The following CSNK2A2IP variants were observed in gnomAD, a reference collection of about 807,000 sequenced individuals.
CSNK2A2IP encodes casein kinase II subunit alpha'-interacting protein.
the CSNK2A2IP span, among the ~76,000 whole-genome samples, chr3:88,432,034 T>C: frequency 3.9e-5 from 6 of 152,108 alleles, no homozygotes. Context: ...AAAACATTTC[T>C]GTTTCAGTTT....
the CSNK2A2IP span, among the ~76,000 whole-genome samples, chr3:88,344,088 A>G: frequency 6.6e-6 from 1 of 151,946 alleles, no homozygotes; most frequent in African/African-American, 2.4e-5. Flanking sequence ...ATTTTAGTAG[A>G]TGCTGATAAT....
At chr3:88,461,520 T>C in the CSNK2A2IP span, among the ~76,000 whole-genome samples, 1 of 152,116 alleles carries the variant, frequency 6.6e-6, no homozygotes, top group Non-Finnish European at 1.5e-5. Flanking sequence ...GCCACTGCAC[T>C]CCAGCCTGGG....
chr3:88,360,488 C>CT, the CSNK2A2IP span, among the ~76,000 whole-genome samples: 3,887 of 151,808 alleles, frequency 0.026, 106 homozygotes, highest in East Asian at 0.076. Context: ...TACTTATGCT[C>CT]TTTTTTTTGG....
the CSNK2A2IP span, among the ~76,000 whole-genome samples, chr3:88,396,253 C>T: frequency 6.6e-6 from 1 of 151,498 alleles, no homozygotes; most frequent in Non-Finnish European, 1.5e-5. Flanking sequence ...CTACAGGCGC[C>T]CGCCACCTCG....
At chr3:88,374,868 C>T in the CSNK2A2IP span, among the ~76,000 whole-genome samples, 1 of 151,624 alleles carries the variant, frequency 6.6e-6, no homozygotes, top group Admixed American at 6.6e-5. Context: ...TCCAACTATA[C>T]AGATTCCCAA....
At chr3:88,394,892 G>A in the CSNK2A2IP span, among the ~76,000 whole-genome samples, 2 of 152,266 alleles carry the variant, frequency 1.3e-5, no homozygotes, top group Non-Finnish European at 2.9e-5. Flanking sequence ...AGAGGAGAGG[G>A]TGGGAGGAGG....
the CSNK2A2IP span, among the ~76,000 whole-genome samples, chr3:88,439,763 G>A: frequency 2.1e-5 from 3 of 143,782 alleles, no homozygotes; most frequent in East Asian, 2.0e-4. Flanking sequence ...AAAAATCATC[G>A]AAGAGTTATC....
At chr3:88,446,755 T>A in the CSNK2A2IP span, among the ~76,000 whole-genome samples, 3 of 152,214 alleles carry the variant, frequency 2.0e-5, no homozygotes, top group African/African-American at 7.2e-5. Context: ...TTTGACGATA[T>A]ACACACATTC....
the CSNK2A2IP span, among the ~76,000 whole-genome samples, chr3:88,397,436 A>G: frequency 1.3e-5 from 2 of 152,168 alleles, no homozygotes; most frequent in African/African-American, 2.4e-5. Context: ...TAAAATTACT[A>G]TTATTAACAA....
chr3:88,388,287 A>AT, the CSNK2A2IP span, among the ~76,000 whole-genome samples: 2 of 152,330 alleles, frequency 1.3e-5, no homozygotes, highest in Admixed American at 1.3e-4. Context: ...TACCTGTAAA[A>AT]ATATATAACT....
chr3:88,339,591 G>T, the CSNK2A2IP span, among the ~76,000 whole-genome samples: 1 of 152,112 alleles, frequency 6.6e-6, no homozygotes, highest in South Asian at 2.1e-4. Flanking sequence ...GTATGTACAG[G>T]AAAAGTCCAT....
the CSNK2A2IP span, among the ~76,000 whole-genome samples, chr3:88,463,728 G>A: frequency 1.3e-5 from 2 of 152,176 alleles, no homozygotes; most frequent in South Asian, 2.1e-4. Context: ...TTCAACCATT[G>A]TGGAAGTTGG....
At chr3:88,433,181 C>T in the CSNK2A2IP span, among the ~76,000 whole-genome samples, 1 of 151,978 alleles carries the variant, frequency 6.6e-6, no homozygotes, top group Non-Finnish European at 1.5e-5. Context: ...ATTTAGTGGT[C>T]ACTTTTTTAT....
the CSNK2A2IP span, among the ~76,000 whole-genome samples, chr3:88,447,331 G>C: frequency 6.6e-6 from 1 of 152,044 alleles, no homozygotes; most frequent in African/African-American, 2.4e-5. Flanking sequence ...GTGTTTGCAA[G>C]GGAGCTAAAT....
chr3:88,363,515 C>A, the CSNK2A2IP span, among the ~76,000 whole-genome samples: 14 of 152,100 alleles, frequency 9.2e-5, no homozygotes, highest in African/African-American at 2.7e-4. Context: ...GGATCAGTTT[C>A]ATTTTACTGA....
the CSNK2A2IP span, among the ~76,000 whole-genome samples, chr3:88,439,493 T>C: frequency 0.014 from 2,071 of 152,070 alleles, 41 homozygotes; most frequent in African/African-American, 0.048. Flanking sequence ...CCTGTAATCT[T>C]GGCACTTTGG....
the CSNK2A2IP span, among the ~76,000 whole-genome samples, chr3:88,382,031 C>A: frequency 6.6e-6 from 1 of 152,168 alleles, no homozygotes; most frequent in African/African-American, 2.4e-5. Flanking sequence ...CACAGGCAAC[C>A]ACTTTTACTG....
the CSNK2A2IP span, among the ~76,000 whole-genome samples, chr3:88,443,175 TTA>T: frequency 3.3e-5 from 5 of 152,266 alleles, no homozygotes; most frequent in East Asian, 1.9e-4. Context: ...CTCAGTCTAG[TTA>T]TATGAGTTAA....
the CSNK2A2IP span, chr3:88,466,952 G>A: frequency 8.1e-7 from 1 of 1,231,344 alleles, no homozygotes; most frequent in Non-Finnish European, 1.0e-6. Flanking sequence ...TTCTCATCTT[G>A]TCTCCCATTC....
Sources: allele counts gnomAD v4.1 joint callset (sites outside exome capture counted in the v4.1 genomes callset), GRCh38; gene constraint gnomAD v4.1.1; transcripts MANE v1.5; gene names NCBI Gene and HGNC (gene_info 2026-07-23, HGNC 2026-07-21).